The following PRUNE2 variants were observed in gnomAD, a reference collection of about 807,000 sequenced individuals.
PRUNE2 encodes the protein protein prune homolog 2.
A neutral mutation model predicts 252.0 loss-of-function variants in PRUNE2; 164 were observed. The observed-to-expected ratio is 0.65, with a 90% CI of 0.57 to 0.74. The LOEUF (loss-of-function observed/expected upper bound fraction) is 0.74, where lower values mean the gene tolerates loss of function less well. Among genes scored for constraint, PRUNE2 ranks in the 30% least tolerant of loss-of-function variants. The pLI, the probability that PRUNE2 is intolerant of heterozygous loss-of-function variation, is 0.00. For missense variants in PRUNE2, 3,495 were observed against 3,711.0 expected (o/e 0.94, Z 1.51); for synonymous variants, 1,292 against 1,350.2 (o/e 0.96, Z 0.94).
At chr9:76,896,243 C>G (rs571699980) in intron 1 of PRUNE2, among the ~76,000 whole-genome samples, 28 of 152,336 alleles carry the variant, frequency 1.8e-4, no homozygotes, top group African/African-American at 5.8e-4. Context: ...TAAATAATAA[C>G]CTCAATGATG....
rs528352054 is a variant in PRUNE2, at chr9:76,819,743, G to A, written c.756+3889C>T. Among the ~76,000 whole-genome samples, 9 of 152,290 alleles carry A rather than the reference G, an allele frequency of 5.9e-5. No individual in the cohort carries two copies. The South Asian group carries it at 1.9e-3, about 32-fold the overall frequency. On this transcript the variant is annotated intron_variant, in intron 6 of 18. Transcript: ENST00000376718. Reference sequence around the variant, plus strand: ...AGTCTTTTGGGAGATGCTTAAAGAAGATGTAATAACATTTGGTGTCAGCAA... The same window carrying A: ...AGTCTTTTGGGAGATGCTTAAAGAAAATGTAATAACATTTGGTGTCAGCAA...
intron 6 of PRUNE2, among the ~76,000 whole-genome samples, chr9:76,768,583 A>ATGTG (rs55793596): frequency 0.02 from 2,092 of 103,300 alleles, 64 homozygotes; most frequent in Admixed American, 0.085. Flanking sequence ...ATGTATATGT[A>ATGTG]TGTGTGTGTG....
intron 9 of PRUNE2, 99 bp downstream of exon 9, chr9:76,703,238 C>A: frequency 1.9e-6 from 2 of 1,065,402 alleles, no homozygotes; most frequent in Non-Finnish European, 2.6e-6. Context: ...AAGCTGCTAT[C>A]ATCCAGGTAT....
intron 15 of PRUNE2, among the ~76,000 whole-genome samples, chr9:76,630,528 T>G (rs935033748): frequency 1.3e-5 from 2 of 152,212 alleles, no homozygotes; most frequent in African/African-American, 4.8e-5. Flanking sequence ...GAATGCATTT[T>G]CTTTTTTTCT....
At chr9:76,684,952 A>C (rs2043915962) in intron 9 of PRUNE2, among the ~76,000 whole-genome samples, 1 of 152,142 alleles carries the variant, frequency 6.6e-6, no homozygotes, top group Non-Finnish European at 1.5e-5. Context: ...GGGTTTCACC[A>C]TGTTGGTCAG....
chr9:76,667,089 G>A (rs998655949), intron 9 of PRUNE2, among the ~76,000 whole-genome samples: 1 of 152,172 alleles, frequency 6.6e-6, no homozygotes, highest in Non-Finnish European at 1.5e-5. Flanking sequence ...CTTTTGATAA[G>A]AAGTTTAGCT....
chr9:76,792,434 C>T (rs532085259), intron 6 of PRUNE2, among the ~76,000 whole-genome samples: 1 of 152,214 alleles, frequency 6.6e-6, no homozygotes, highest in African/African-American at 2.4e-5. Context: ...TGGACTAATA[C>T]AGGTACTGAG....
At chr9:76,788,804 C>G (rs2055277860) in intron 6 of PRUNE2, among the ~76,000 whole-genome samples, 1 of 152,158 alleles carries the variant, frequency 6.6e-6, no homozygotes, top group Non-Finnish European at 1.5e-5. Flanking sequence ...GGTTAGCACT[C>G]AAAACAGGTC....
chr9:76,812,969 C>T (rs192227282), intron 6 of PRUNE2, among the ~76,000 whole-genome samples: 1 of 152,272 alleles, frequency 6.6e-6, no homozygotes, highest in East Asian at 1.9e-4. Context: ...AAAAGTAATA[C>T]ATTCTCAAAA....
chr9:76,638,568 T>C (rs868033406), intron 12 of PRUNE2, among the ~76,000 whole-genome samples: 7 of 152,184 alleles, frequency 4.6e-5, no homozygotes, highest in Admixed American at 4.6e-4. Flanking sequence ...TTGTTGTACA[T>C]AGTTGTGAAG....
intron 1 of PRUNE2, among the ~76,000 whole-genome samples, chr9:76,877,135 A>G (rs1023798381): frequency 2.0e-5 from 3 of 152,126 alleles, no homozygotes; most frequent in Admixed American, 6.5e-5. Context: ...CAAGTCTACA[A>G]AAGAACATGG....
chr9:76,889,490 T>C (rs72735038), intron 1 of PRUNE2, among the ~76,000 whole-genome samples: 426 of 152,068 alleles, frequency 2.8e-3, no homozygotes, highest in Non-Finnish European at 4.9e-3. Context: ...CCAGCTACTT[T>C]TTGATTTTTA....
At chr9:76,677,914 G>A (rs960323643) in intron 9 of PRUNE2, among the ~76,000 whole-genome samples, 1 of 152,156 alleles carries the variant, frequency 6.6e-6, no homozygotes, top group Non-Finnish European at 1.5e-5. Context: ...ATTTGCACTC[G>A]AGTGTTCCAA....
intron 6 of PRUNE2, chr9:76,758,735 C>T (rs1211985293): frequency 6.6e-6 from 1 of 152,038 alleles, no homozygotes; most frequent in Non-Finnish European, 1.5e-5. Context: ...TTTCTCTCTA[C>T]ATTATCACAT....
intron 6 of PRUNE2, among the ~76,000 whole-genome samples, chr9:76,807,051 T>TGTGTGTGTGTGTGTGCGCGCGC (rs60768420): frequency 3.6e-5 from 5 of 139,334 alleles, no homozygotes; most frequent in African/African-American, 1.4e-4. Context: ...TGTGTGTGTG[T>TGTGTGTGTGTGTGTGCGCGCGC]GCGCGCGCGC....
At chr9:76,773,898 T>C (rs558847749) in intron 6 of PRUNE2, among the ~76,000 whole-genome samples, 4 of 152,112 alleles carry the variant, frequency 2.6e-5, no homozygotes, top group South Asian at 2.1e-4. Context: ...TGGAAAGTAA[T>C]TGATGGAATA....
In PRUNE2 at chr9:76,632,902, G is replaced by A. The variant is rs573782747; in HGVS notation, c.9050+3569C>T. 3.9e-5 allele frequency among the ~76,000 whole-genome samples: 6 copies of A among 152,234 alleles called. No individual in the cohort carries two copies. In the South Asian group the frequency reaches 1.2e-3, roughly 32 times the overall value. On this transcript the variant is annotated intron_variant, in intron 15 of 18. Coordinates refer to ENST00000376718, the MANE Select transcript of PRUNE2 (RefSeq NM_015225.3). ...GATGATTTCTATGTTTTTTAAGGTG[G>A]TTTAAAAAATGTAAAAATAAAAATA...
intron 17 of PRUNE2, 46 bp downstream of exon 17, chr9:76,624,406 T>C: frequency 7.5e-7 from 1 of 1,329,316 alleles, no homozygotes; most frequent in Non-Finnish European, 9.8e-7. Flanking sequence ...AGTTCTGAAA[T>C]GCAAGCCAAC....
Position 76,837,563 on chromosome 9 carries a change from T to C in PRUNE2, c.508+8952A>G, listed in dbSNP as rs183398924. On this transcript the variant is annotated intron_variant, in intron 4 of 18. Coordinates refer to ENST00000376718, the MANE Select transcript of PRUNE2 (RefSeq NM_015225.3). ...AATTCCTGTATATGCCCCCACTGCA[T>C]GTGGAAAAGGATAGAGCAGGGGTAT... 7.5e-4 allele frequency among the ~76,000 whole-genome samples: 114 copies of C among 151,658 alleles called. 2 individuals carry two copies. The East Asian group carries it at 0.022, about 29-fold the overall frequency.
Sources: allele counts gnomAD v4.1 joint callset (sites outside exome capture counted in the v4.1 genomes callset), GRCh38; gene constraint gnomAD v4.1.1; transcripts MANE v1.5; gene names NCBI Gene and HGNC (gene_info 2026-07-23, HGNC 2026-07-21).